The following CAMKMT variants were observed in gnomAD, a reference collection of about 807,000 sequenced individuals.
The protein encoded by CAMKMT is calmodulin-lysine N-methyltransferase, also known as CaM KMT.
In CAMKMT, 53 loss-of-function variants were observed where a neutral mutation model predicts 48.0. The ratio of observed to expected loss-of-function variants is 1.10; its 90% CI spans 0.89 to 1.39. CAMKMT has a LOEUF of 1.39. CAMKMT is among the 40% of genes most tolerant of loss of function. The pLI is 0.00. For missense variants in CAMKMT, 428 were observed against 402.7 expected (o/e 1.06, Z -0.54); for synonymous variants, 165 against 152.3 (o/e 1.08, Z -0.61).
intron 3 of CAMKMT, among the ~76,000 whole-genome samples, chr2:44,522,965 CA>C (rs145848620): frequency 0.028 from 4,277 of 152,220 alleles, 197 homozygotes; most frequent in African/African-American, 0.097. Context: ...AGCTGTTACA[CA>C]AGGATCTTCT....
chr2:44,390,127 A>G lies in CAMKMT; in HGVS notation c.312-114A>G, dbSNP rs565565202. 1.3e-3 allele frequency: 931 copies of G among 701,898 alleles called. 4 individuals are homozygous for G. The highest frequency in any genetic ancestry group is 5.2e-3 in the Middle Eastern group (19 of 3,664). The allele number at this position is 701,898 out of a possible 1,614,324, so 43.5% of individuals were successfully genotyped here. On this transcript the variant is annotated intron_variant, in intron 2 of 10. Coordinates refer to ENST00000378494, the MANE Select transcript of CAMKMT (RefSeq NM_024766.5). ...AAATATTCTTAAAATATAGCATGGA[A>G]TAATTTATTGCTATTGGGTATACCA...
At chr2:44,678,465 A>G (rs1675841352) in intron 3 of CAMKMT, among the ~76,000 whole-genome samples, 1 of 152,204 alleles carries the variant, frequency 6.6e-6, no homozygotes, top group Non-Finnish European at 1.5e-5. Context: ...TCCAGCTTCA[A>G]GCTAATGGTT....
At chr2:44,479,862 C>T (rs948397311) in intron 3 of CAMKMT, among the ~76,000 whole-genome samples, 2 of 152,046 alleles carry the variant, frequency 1.3e-5, no homozygotes, top group African/African-American at 4.8e-5. Context: ...TATTGACAGC[C>T]GTAATTTTAT....
intron 3 of CAMKMT, among the ~76,000 whole-genome samples, chr2:44,699,584 A>G (rs1415233196): frequency 6.6e-6 from 1 of 151,504 alleles, no homozygotes; most frequent in Non-Finnish European, 1.5e-5. Context: ...TAGATTTTGC[A>G]TAATTCCTTT....
intron 2 of CAMKMT, among the ~76,000 whole-genome samples, chr2:44,375,309 G>GA (rs1320813529): frequency 6.7e-6 from 1 of 149,118 alleles, no homozygotes; most frequent in East Asian, 1.9e-4. Context: ...AATGATGATT[G>GA]AAAAAAAAGG....
At chr2:44,591,804 G>C (rs1412318073) in intron 3 of CAMKMT, among the ~76,000 whole-genome samples, 2 of 151,848 alleles carry the variant, frequency 1.3e-5, no homozygotes, top group African/African-American at 4.8e-5. Context: ...TAAAGACTTG[G>C]AACCAACCCA....
chr2:44,489,355 C>A (rs1669373550), intron 3 of CAMKMT, among the ~76,000 whole-genome samples: 1 of 150,366 alleles, frequency 6.7e-6, no homozygotes, highest in African/African-American at 2.4e-5. Flanking sequence ...AAGCAATTCT[C>A]CTGCCTAAGC....
intron 8 of CAMKMT, among the ~76,000 whole-genome samples, chr2:44,744,109 T>C (rs1256040041): frequency 6.6e-6 from 1 of 152,150 alleles, no homozygotes; most frequent in East Asian, 1.9e-4. Flanking sequence ...AAAATATATG[T>C]GTGTGTGTAC....
At chr2:44,378,772 G>A (rs1167147299) in intron 2 of CAMKMT, among the ~76,000 whole-genome samples, 1 of 152,120 alleles carries the variant, frequency 6.6e-6, no homozygotes, top group African/African-American at 2.4e-5. Flanking sequence ...TATTACAGGC[G>A]TGAGCCACCG....
At chr2:44,737,278 T>C (rs1341188224) in intron 7 of CAMKMT, among the ~76,000 whole-genome samples, 1 of 152,080 alleles carries the variant, frequency 6.6e-6, no homozygotes, top group Non-Finnish European at 1.5e-5. Context: ...ACCATGCTCA[T>C]CTAATTTTTG....
chr2:44,766,574 CTTGT>C lies in CAMKMT; in HGVS notation c.894+14_894+17del, dbSNP rs1680851056. The C allele has an allele frequency of 1.2e-6, 2 of 1,613,082 alleles. No homozygotes were observed. ...CTTCCACTCCAAGGTTAGTTTTCTG[CTTGT>C]GTTAGATAACACTTTAATCCGCATT... On this transcript the variant is annotated intron_variant, in intron 10 of 10. Transcript: ENST00000378494.
chr2:44,524,720 T>A (rs1357962815), intron 3 of CAMKMT, among the ~76,000 whole-genome samples: 2 of 152,226 alleles, frequency 1.3e-5, no homozygotes, highest in Non-Finnish European at 2.9e-5. Flanking sequence ...TCTGTTGGAA[T>A]TATTTGTGTA....
intron 3 of CAMKMT, among the ~76,000 whole-genome samples, chr2:44,647,689 A>G (rs1025666200): frequency 3.3e-5 from 5 of 151,966 alleles, no homozygotes; most frequent in African/African-American, 1.2e-4. Context: ...GTGGATCACG[A>G]GGTCAGGAGA....
Position 44,490,671 on chromosome 2 carries a change from T to C in CAMKMT, c.376+100366T>C, listed in dbSNP as rs182515446. Among the ~76,000 whole-genome samples, 9 of 152,278 alleles carry C rather than the reference T, an allele frequency of 5.9e-5. No individual in the cohort carries two copies. The East Asian group carries it at 1.7e-3, about 29-fold the overall frequency. On this transcript the variant is annotated intron_variant, in intron 3 of 10. Coordinates refer to ENST00000378494, the MANE Select transcript of CAMKMT (RefSeq NM_024766.5). ...TCATGTACTTGAAAGTTATATGTATTATAACTTATGTTGTGAGAGCAGTAT... is the reference window on the plus strand; with the variant it reads ...TCATGTACTTGAAAGTTATATGTATCATAACTTATGTTGTGAGAGCAGTAT...
intron 3 of CAMKMT, among the ~76,000 whole-genome samples, chr2:44,503,013 G>A (rs920654127): frequency 6.6e-6 from 1 of 151,878 alleles, no homozygotes; most frequent in Non-Finnish European, 1.5e-5. Context: ...ATATATTATA[G>A]CCAAGTGCTT....
intron 3 of CAMKMT, among the ~76,000 whole-genome samples, chr2:44,420,693 G>C (rs958854179): frequency 5.9e-5 from 9 of 151,986 alleles, no homozygotes; most frequent in South Asian, 2.1e-4. Flanking sequence ...CTAGAAGATA[G>C]TGTGGATAAT....
chr2:44,598,919 A>G (rs959288492), intron 3 of CAMKMT, among the ~76,000 whole-genome samples: 4 of 151,766 alleles, frequency 2.6e-5, no homozygotes, highest in African/African-American at 9.7e-5. Flanking sequence ...GATTAGATTG[A>G]GTAATCACAC....
At chr2:44,417,227 A>G (rs112092731) in intron 3 of CAMKMT, among the ~76,000 whole-genome samples, 8,553 of 151,954 alleles carry the variant, frequency 0.056, 302 homozygotes, top group South Asian at 0.14. Flanking sequence ...CCCTGTCACT[A>G]CTAAAAATAC....
At chr2:44,662,269 C>T (rs541448376) in intron 3 of CAMKMT, among the ~76,000 whole-genome samples, 2 of 152,134 alleles carry the variant, frequency 1.3e-5, no homozygotes, top group Non-Finnish European at 2.9e-5. Context: ...TTTCATTGTC[C>T]GTCTTAAAAG....
Sources: allele counts gnomAD v4.1 joint callset (sites outside exome capture counted in the v4.1 genomes callset), GRCh38; gene constraint gnomAD v4.1.1; transcripts MANE v1.5; gene names NCBI Gene and HGNC (gene_info 2026-07-23, HGNC 2026-07-21).